The following CFAP99 variants were observed in gnomAD, a reference collection of about 807,000 sequenced individuals.
CFAP99 encodes the protein cilia- and flagella-associated protein 99.
CFAP99 carries 84 observed loss-of-function variants against 82.7 expected under a neutral mutation model. That is an observed-to-expected ratio of 1.02 (90% CI 0.85 to 1.22). CFAP99 has a LOEUF of 1.22. CFAP99 is among the 50% of genes most tolerant of loss of function. CFAP99 has a pLI of 0.00. For synonymous variants in CFAP99, 456 were observed against 429.5 expected, an observed-to-expected ratio of 1.06 and a Z score of -0.76; for missense variants, 1,059 against 983.5, an observed-to-expected ratio of 1.08 and a Z score of -1.03.
chr4:2,426,203 C>T (rs532816412), intron 1 of CFAP99, among the ~76,000 whole-genome samples: 1 of 152,276 alleles, frequency 6.6e-6, no homozygotes, highest in South Asian at 2.1e-4. Flanking sequence ...TCACCCAGGC[C>T]AGCCTGGGCC....
At position 2,426,409 on chromosome 4, in the gene CFAP99, G is replaced by A. The variant is rs1273042910; in HGVS notation, c.-17-50G>A. On this transcript the variant is annotated intron_variant, in intron 1 of 14. Transcript: ENST00000635017. ...TCCTGTCGCTGCTGGGGAGGGTCCT[G>A]CGGCTACATCCCAGGTGTGGAGGGC... 3.4e-6 allele frequency: 4 copies of A among 1,188,834 alleles called. No homozygotes were observed. The Admixed American group carries it at 7.9e-5, about 24-fold the overall frequency. 73.6% of individuals were successfully genotyped at this position (1,188,834 alleles called of 1,614,324 possible).
exon 10 of CFAP99, chr4:2,451,324 C>G: frequency 2.6e-6 from 4 of 1,535,912 alleles, no homozygotes; most frequent in Non-Finnish European, 3.5e-6. Context: ...GGCCTTGTAC[C>G]AGCGGCAGGT....
intron 3 of CFAP99, among the ~76,000 whole-genome samples, chr4:2,437,509 T>G (rs1264208579): frequency 6.6e-6 from 1 of 152,148 alleles, no homozygotes; most frequent in Non-Finnish European, 1.5e-5. Flanking sequence ...AGGGCAGCCC[T>G]GAGACCCTGC....
At chr4:2,442,539 C>G (rs554781114) in intron 4 of CFAP99, among the ~76,000 whole-genome samples, 1 of 152,120 alleles carries the variant, frequency 6.6e-6, no homozygotes, top group Non-Finnish European at 1.5e-5. Context: ...CACCATTACC[C>G]CCGCTCAGCC....
At chr4:2,443,705 G>C (rs1734102694) in intron 5 of CFAP99, among the ~76,000 whole-genome samples, 1 of 152,210 alleles carries the variant, frequency 6.6e-6, no homozygotes. Context: ...CCACAGATCA[G>C]TTCCTGGTGG....
chr4:2,421,859 T>C (rs1474276392), intron 1 of CFAP99, among the ~76,000 whole-genome samples: 3 of 143,746 alleles, frequency 2.1e-5, no homozygotes, highest in Admixed American at 7.0e-5. Context: ...CTGGGCAACA[T>C]AGTAAGACCC....
chr4:2,458,968 G>T, intron 12 of CFAP99, 104 bp downstream of exon 12: 1 of 1,458,490 alleles, frequency 6.9e-7, no homozygotes, highest in Non-Finnish European at 9.0e-7. Flanking sequence ...CCAGGGTCAG[G>T]GACCCCTTGA....
At chr4:2,438,387 C>A (rs149958123) in intron 4 of CFAP99, among the ~76,000 whole-genome samples, 2 of 152,258 alleles carry the variant, frequency 1.3e-5, no homozygotes, top group African/African-American at 2.4e-5. Flanking sequence ...CTCAGCCTCC[C>A]GAGTAGCTGG....
chr4:2,444,220 C>G (rs1734111687), intron 5 of CFAP99, among the ~76,000 whole-genome samples: 1 of 152,190 alleles, frequency 6.6e-6, no homozygotes, highest in African/African-American at 2.4e-5. Context: ...GCTAGACTCA[C>G]TGCCCACTCA....
chr4:2,434,054 G>A (rs1733855238), intron 2 of CFAP99, among the ~76,000 whole-genome samples: 2 of 152,200 alleles, frequency 1.3e-5, no homozygotes, highest in African/African-American at 2.4e-5. Context: ...CCAGCCGAAG[G>A]GCCAGGAAGA....
chr4:2,441,418 C>T (rs1479419701), intron 4 of CFAP99, among the ~76,000 whole-genome samples: 2 of 151,200 alleles, frequency 1.3e-5, no homozygotes, highest in Non-Finnish European at 2.9e-5. Flanking sequence ...CATGTTTTGT[C>T]TTGCCCTGGG....
chr4:2,454,594 G>GTTTTTTTTTTTTTTTTTTTTGT (rs1204498727), intron 11 of CFAP99, among the ~76,000 whole-genome samples: 3 of 84,538 alleles, frequency 3.5e-5, no homozygotes, highest in Admixed American at 1.4e-4. Flanking sequence ...TTTTTTTTTT[G>GTTTTTTTTTTTTTTTTTTTTGT]TTTTTTTTTT....
chr4:2,454,596 T>TTTTTTTTTTTTTTTTGG (rs1734385381), intron 11 of CFAP99, among the ~76,000 whole-genome samples: 1 of 144,334 alleles, frequency 6.9e-6, no homozygotes, highest in African/African-American at 2.7e-5. Flanking sequence ...TTTTTTTTGT[T>TTTTTTTTTTTTTTTTGG]TTTTTTTTTT....
chr4:2,424,895 C>T lies in CFAP99; in HGVS notation c.-17-1564C>T, dbSNP rs184213283. ...AGTGGGCCTTGTCCGTCCAGAAGAC[C>T]GCATCCTTCAGTTCTAGGGCGTTTT... On this transcript the variant is annotated intron_variant, in intron 1 of 14. Coordinates refer to ENST00000635017, the Ensembl canonical transcript of CFAP99. Among the ~76,000 whole-genome samples the T allele has an allele frequency of 4.6e-5, 7 of 152,300 alleles. No individual in the cohort carries two copies. In the East Asian group the frequency reaches 9.6e-4, roughly 21 times the overall value.
chr4:2,438,010 C>A, intron 3 of CFAP99, 60 bp from the exon 4 acceptor site: 2 of 1,026,656 alleles, frequency 1.9e-6, no homozygotes, highest in South Asian at 1.4e-5. Flanking sequence ...GCTCCGGTCC[C>A]GCCGTGTGCC....
chr4:2,439,443 G>T (rs568158014), intron 4 of CFAP99, among the ~76,000 whole-genome samples: 2 of 152,280 alleles, frequency 1.3e-5, no homozygotes, highest in Non-Finnish European at 2.9e-5. Context: ...AGCTCTTCAG[G>T]GGGTGTTCCA....
At chr4:2,460,273 G>C in intron 14 of CFAP99, 31 bp downstream of exon 14, 1 of 1,527,882 alleles carries the variant, frequency 6.5e-7, no homozygotes, top group Non-Finnish European at 8.8e-7. Context: ...GGGTGCCTCT[G>C]GGTGGACAGG....
chr4:2,446,787 CAGATGGATGGT>C lies in CFAP99; in HGVS notation c.642+1490_642+1500del, dbSNP rs1344302482. Among the ~76,000 whole-genome samples, 1 of 150,708 alleles carries C rather than the reference CAGATGGATGGT, an allele frequency of 6.6e-6. No homozygotes were observed. The highest frequency in any genetic ancestry group is 1.5e-5 in the Non-Finnish European group (1 of 67,742). On this transcript the variant is annotated intron_variant, in intron 6 of 14. Coordinates refer to ENST00000635017, the Ensembl canonical transcript of CFAP99. The surrounding 1 kb of genome is among the most constrained non-coding windows in gnomAD (Gnocchi z 5.0). Reference sequence around the variant, plus strand: ...ATGGATGGATGGGTGGATGGATTATCAGATGGATGGTAGATGGATGGGTGGATGAATGGATG... The same window carrying C: ...ATGGATGGATGGGTGGATGGATTATCAGATGGATGGGTGGATGAATGGATG...
intron 2 of CFAP99, among the ~76,000 whole-genome samples, chr4:2,435,031 C>T (rs1733879701): frequency 6.6e-6 from 1 of 152,078 alleles, no homozygotes; most frequent in African/African-American, 2.4e-5. Flanking sequence ...TGGGGTGGCT[C>T]ACACCTGTAA....
Sources: allele counts gnomAD v4.1 joint callset (sites outside exome capture counted in the v4.1 genomes callset), GRCh38; gene constraint gnomAD v4.1.1; non-coding constraint Gnocchi (gnomAD v3.1); transcripts MANE v1.5; gene names NCBI Gene and HGNC (gene_info 2026-07-23, HGNC 2026-07-21).